MYO1D: variants seen among roughly 807,000 people sequenced by gnomAD.
MYO1D encodes the protein unconventional myosin-Id.
A neutral mutation model predicts 122.0 loss-of-function variants in MYO1D; 83 were observed. The ratio of observed to expected loss-of-function variants is 0.68; its 90% CI spans 0.57 to 0.82. The LOEUF (loss-of-function observed/expected upper bound fraction) is 0.82, where lower values mean the gene tolerates loss of function less well. Among genes scored for constraint, MYO1D ranks in the 40% least tolerant of loss-of-function variants. The pLI, the probability that MYO1D is intolerant of heterozygous loss-of-function variation, is 0.00. For synonymous variants in MYO1D, 464 were observed against 446.9 expected (o/e 1.04, Z -0.48); for missense variants, 1,157 against 1,269.5 (o/e 0.91, Z 1.35).
At chr17:32,588,124 A>C (rs921642010) in intron 21 of MYO1D, among the ~76,000 whole-genome samples, 3 of 152,250 alleles carry the variant, frequency 2.0e-5, no homozygotes, top group Non-Finnish European at 2.9e-5. Context: ...AGAAGATTTC[A>C]GAATTTAGGA....
chr17:32,528,260 C>T (rs769316722), intron 21 of MYO1D, among the ~76,000 whole-genome samples: 5 of 152,278 alleles, frequency 3.3e-5, no homozygotes, highest in Middle Eastern at 3.4e-3. Context: ...TGATCAGAGG[C>T]GATGTCTAGC....
At chr17:32,822,703 C>T (rs2090683340) in intron 1 of MYO1D, among the ~76,000 whole-genome samples, 1 of 150,916 alleles carries the variant, frequency 6.6e-6, no homozygotes, top group Admixed American at 6.6e-5. Flanking sequence ...CCCTCCTCCT[C>T]TTTCCTCCGC....
At position 32,535,700 on chromosome 17, in the gene MYO1D, A is replaced by G. The variant is rs1910642985; in HGVS notation, c.2865-40785T>C. ...CAGGAAGCGGAGCTTGCAGTGAGCC[A>G]AGATTGTGCCACTGCACTCCAGTCT... On this transcript the variant is annotated intron_variant, in intron 21 of 21. Transcript: ENST00000318217. 2.6e-5 allele frequency among the ~76,000 whole-genome samples: 4 copies of G among 152,206 alleles called. No individual in the cohort carries two copies. The South Asian group carries it at 8.3e-4, about 31-fold the overall frequency.
rs1032177375 is a variant in MYO1D, at chr17:32,677,773, A to G, written c.2122-18435T>C. The stretch of plus-strand genomic sequence containing the variant: ...TGTCTTGATTTCAGAAAACAAATCA[A>G]GACTGCTTTTCAAACGAACACAAGC... On this transcript the variant is annotated intron_variant, in intron 16 of 21. Transcript: ENST00000318217. 1.2e-4 allele frequency among the ~76,000 whole-genome samples: 19 copies of G among 152,226 alleles called. No individual in the cohort carries two copies. The East Asian group carries it at 2.3e-3, about 19-fold the overall frequency.
chr17:32,527,694 A>T (rs1413625968), intron 21 of MYO1D, among the ~76,000 whole-genome samples: 1 of 152,082 alleles, frequency 6.6e-6, no homozygotes, highest in East Asian at 1.9e-4. Flanking sequence ...GCTACTCAGG[A>T]GGCTGAGGTG....
chr17:32,519,497 G>A (rs1380206511), intron 21 of MYO1D: 4 of 152,342 alleles, frequency 2.6e-5, no homozygotes, highest in African/African-American at 9.7e-5. Flanking sequence ...CGGAGGCTGC[G>A]GCTTCGAGCG....
intron 21 of MYO1D, among the ~76,000 whole-genome samples, chr17:32,538,297 T>TA (rs58913271): frequency 0.11 from 14,360 of 131,928 alleles, 788 homozygotes; most frequent in South Asian, 0.19. Flanking sequence ...TTTTTTTTTT[T>TA]AGAGACAGGG....
chr17:32,503,358 G>A (rs933232836), intron 21 of MYO1D, among the ~76,000 whole-genome samples: 4 of 152,192 alleles, frequency 2.6e-5, no homozygotes, highest in Admixed American at 6.5e-5. Context: ...ACTGTCATTC[G>A]CCGACCTGCC....
intron 16 of MYO1D, among the ~76,000 whole-genome samples, chr17:32,660,551 C>T (rs764443122): frequency 3.3e-5 from 5 of 152,132 alleles, no homozygotes; most frequent in South Asian, 2.1e-4. Flanking sequence ...GCCTGCTGCA[C>T]GATACAGATT....
chr17:32,725,850 G>A (rs1254017850), intron 14 of MYO1D, among the ~76,000 whole-genome samples: 1 of 151,942 alleles, frequency 6.6e-6, no homozygotes, highest in Non-Finnish European at 1.5e-5. Context: ...AGCAGCCAGA[G>A]GGAAAAAAAA....
intron 14 of MYO1D, among the ~76,000 whole-genome samples, chr17:32,729,380 A>T (rs1202347078): frequency 2.6e-5 from 4 of 152,328 alleles, no homozygotes; most frequent in Admixed American, 6.5e-5. Flanking sequence ...CATTCTCTAG[A>T]TTCAAAAGAT....
chr17:32,636,064 T>C (rs1255212979), intron 20 of MYO1D, among the ~76,000 whole-genome samples: 9 of 152,206 alleles, frequency 5.9e-5, no homozygotes. Context: ...AGTGATTCTC[T>C]TTTTCCCACC....
At chr17:32,876,009 CGTTGA>C (rs2091224854) in intron 1 of MYO1D, among the ~76,000 whole-genome samples, 2 of 152,094 alleles carry the variant, frequency 1.3e-5, no homozygotes, top group Non-Finnish European at 2.9e-5. Flanking sequence ...CATTTTGGGG[CGTTGA>C]GTTGTGACTA....
chr17:32,780,626 G>A lies in MYO1D; in HGVS notation c.254C>T (p.Ala85Val). The A allele has an allele frequency of 6.2e-7, 1 of 1,614,090 alleles. No homozygotes were observed. Residue 85 changes from alanine to valine, a missense_variant, in exon 2 of 22, where the codon GCT becomes GTT. Physicochemically the swap from Ala to Val is moderately conservative, Grantham distance 64. Transcript: ENST00000318217. ...PPHLFAIADAAYKAMKRRSKD... is the reference protein window; with the variant it reads ...PPHLFAIADAVYKAMKRRSKD... ...TGATCGCCTCTTCATAGCCTTGTAA[G>A]CAGCATCCGCAATAGCAAAAAGGTG... is the stretch of plus-strand genomic sequence containing the variant.
chr17:32,855,539 T>C (rs2091021246), intron 1 of MYO1D, among the ~76,000 whole-genome samples: 2 of 152,232 alleles, frequency 1.3e-5, no homozygotes, highest in Non-Finnish European at 2.9e-5. Flanking sequence ...TAGCATTCTA[T>C]TGTATGAATA....
chr17:32,569,952 A>G (rs2087207481), intron 21 of MYO1D, among the ~76,000 whole-genome samples: 1 of 152,228 alleles, frequency 6.6e-6, no homozygotes, highest in Non-Finnish European at 1.5e-5. Context: ...AAACCACAGC[A>G]GATGCAGTTT....
chr17:32,621,639 T>C (rs1283739074), intron 20 of MYO1D, among the ~76,000 whole-genome samples: 1 of 152,170 alleles, frequency 6.6e-6, no homozygotes, highest in Non-Finnish European at 1.5e-5. Context: ...TACTTTCTCC[T>C]TTCTCTCCTC....
At chr17:32,669,275 C>T (rs551697220) in intron 16 of MYO1D, among the ~76,000 whole-genome samples, 1 of 152,294 alleles carries the variant, frequency 6.6e-6, no homozygotes, top group South Asian at 2.1e-4. Context: ...AAGATAAGAA[C>T]ACTCTCACCA....
At chr17:32,627,846 A>G (rs2087948229) in intron 20 of MYO1D, 1 of 152,196 alleles carries the variant, frequency 6.6e-6, no homozygotes, top group East Asian at 1.9e-4. Context: ...AAAACTGGCA[A>G]ACAGATTTTT....
Sources: allele counts gnomAD v4.1 joint callset (sites outside exome capture counted in the v4.1 genomes callset), GRCh38; gene constraint gnomAD v4.1.1; transcripts MANE v1.5; gene names NCBI Gene and HGNC (gene_info 2026-07-23, HGNC 2026-07-21).